Variants in GALNTL6 observed in about 807,000 individuals in gnomAD.
The protein encoded by GALNTL6 is polypeptide N-acetylgalactosaminyltransferase like 6.
A neutral mutation model predicts 73.7 loss-of-function variants in GALNTL6; 46 were observed. The observed-to-expected ratio is 0.62, with a 90% CI of 0.49 to 0.80. The LOEUF is 0.80. GALNTL6 is among the 30% of genes least tolerant of loss of function. The probability of loss-of-function intolerance (pLI) is 0.00; values close to 1 mark genes in which losing one functional copy is unlikely to be tolerated. For synonymous variants in GALNTL6, 259 were observed against 263.7 expected (o/e 0.98, Z 0.17); for missense variants, 604 against 755.0 (o/e 0.80, Z 2.34).
intron 10 of GALNTL6, among the ~76,000 whole-genome samples, chr4:172,969,139 A>G (rs1226923987): frequency 3.3e-5 from 5 of 152,168 alleles, no homozygotes; most frequent in African/African-American, 1.2e-4. Context: ...ACATCATTTT[A>G]TGGAAAGAGA....
At chr4:172,232,236 T>C (rs1228027887) in intron 3 of GALNTL6, among the ~76,000 whole-genome samples, 1 of 152,160 alleles carries the variant, frequency 6.6e-6, no homozygotes, top group Non-Finnish European at 1.5e-5. Context: ...GTGTTTACTC[T>C]CTTATTTTTC....
intron 5 of GALNTL6, among the ~76,000 whole-genome samples, chr4:172,573,164 A>G (rs1435445107): frequency 6.6e-6 from 1 of 152,162 alleles, no homozygotes; most frequent in East Asian, 1.9e-4. Flanking sequence ...AAATATAAAA[A>G]CAATTATAAA....
chr4:172,314,813 T>G (rs1404482694), intron 4 of GALNTL6, among the ~76,000 whole-genome samples: 1 of 152,074 alleles, frequency 6.6e-6, no homozygotes, highest in Non-Finnish European at 1.5e-5. Context: ...TTTCACCACG[T>G]TGGCCAGGCT....
chr4:171,978,710 T>C (rs1739794598), intron 2 of GALNTL6, among the ~76,000 whole-genome samples: 1 of 152,194 alleles, frequency 6.6e-6, no homozygotes, highest in Non-Finnish European at 1.5e-5. Flanking sequence ...CAATGAAGGA[T>C]AATTTAATTT....
At chr4:172,416,366 T>C (rs914419979) in intron 5 of GALNTL6, among the ~76,000 whole-genome samples, 1 of 152,216 alleles carries the variant, frequency 6.6e-6, no homozygotes, top group Non-Finnish European at 1.5e-5. Flanking sequence ...CATCTAGACA[T>C]CTGTGTCTCC....
intron 10 of GALNTL6, among the ~76,000 whole-genome samples, chr4:172,960,776 T>C (rs1750007985): frequency 6.6e-6 from 1 of 152,176 alleles, no homozygotes; most frequent in South Asian, 2.1e-4. Flanking sequence ...CAAGTGGCAT[T>C]GTAGAAGAAA....
At chr4:172,453,159 G>GC (rs1341585901) in intron 5 of GALNTL6, among the ~76,000 whole-genome samples, 1 of 151,278 alleles carries the variant, frequency 6.6e-6, no homozygotes, top group Non-Finnish European at 1.5e-5. Flanking sequence ...CTGAGATCCC[G>GC]CCATTGCATT....
chr4:171,910,623 T>C (rs1737449548), intron 2 of GALNTL6, among the ~76,000 whole-genome samples: 1 of 152,072 alleles, frequency 6.6e-6, no homozygotes, highest in Admixed American at 6.5e-5. Context: ...TGTATAAGTA[T>C]TAACCATCTT....
At chr4:171,938,019 C>T (rs1370763245) in intron 2 of GALNTL6, among the ~76,000 whole-genome samples, 1 of 152,076 alleles carries the variant, frequency 6.6e-6, no homozygotes, top group East Asian at 1.9e-4. Context: ...TGTGTATAAA[C>T]CTAGTTATTT....
Position 173,039,073 on chromosome 4 carries a change from T to C in GALNTL6, c.1639-860T>C, listed in dbSNP as rs1460440773. Among the ~76,000 whole-genome samples, 4 of 152,232 alleles carry C rather than the reference T, an allele frequency of 2.6e-5. No homozygotes were observed. The East Asian group carries it at 5.8e-4, about 22-fold the overall frequency. On this transcript the variant is annotated intron_variant, in intron 12 of 12. Coordinates refer to ENST00000506823, the MANE Select transcript of GALNTL6 (RefSeq NM_001034845.3). ...CACTTAACACAATTAAAAGAGGGTG[T>C]GTGTTAACAGAGCTTGTTCAGATAA... is the stretch of plus-strand genomic sequence containing the variant.
intron 7 of GALNTL6, among the ~76,000 whole-genome samples, chr4:172,817,303 C>A (rs369762451): frequency 2.0e-5 from 3 of 151,498 alleles, no homozygotes; most frequent in African/African-American, 7.3e-5. Context: ...TGGTGGTGCA[C>A]GCCTGTAGTC....
At position 172,966,634 on chromosome 4, in the gene GALNTL6, C is replaced by T. The variant is rs186957226; in HGVS notation, c.1371+14376C>T. Among the ~76,000 whole-genome samples, 592 of 152,304 alleles carry T rather than the reference C, an allele frequency of 3.9e-3. 3 individuals are homozygous for T. The highest frequency in any genetic ancestry group is 0.014 in the African/African-American group (565 of 41,570). Reference sequence around the variant, plus strand: ...GATCTTGAACTGCCCTCAGGTGATCCACCCGCCTCGGCCTCCCAAAGTGCT... The same window carrying T: ...GATCTTGAACTGCCCTCAGGTGATCTACCCGCCTCGGCCTCCCAAAGTGCT... On this transcript the variant is annotated intron_variant, in intron 10 of 12. Coordinates refer to ENST00000506823, the MANE Select transcript of GALNTL6 (RefSeq NM_001034845.3).
At chr4:172,731,940 G>A (rs1411841799) in intron 5 of GALNTL6, among the ~76,000 whole-genome samples, 4 of 151,874 alleles carry the variant, frequency 2.6e-5, no homozygotes, top group African/African-American at 7.3e-5. Context: ...ATTTGCACAG[G>A]CTTGTTTTGT....
At chr4:172,786,878 G>A (rs932492559) in intron 5 of GALNTL6, among the ~76,000 whole-genome samples, 4 of 152,118 alleles carry the variant, frequency 2.6e-5, no homozygotes, top group Middle Eastern at 6.4e-3. Flanking sequence ...TGCATAAGTA[G>A]ACTGAGCCAT....
intron 2 of GALNTL6, among the ~76,000 whole-genome samples, chr4:172,117,131 GA>G (rs1198082402): frequency 2.0e-5 from 3 of 152,106 alleles, no homozygotes; most frequent in African/African-American, 7.2e-5. Flanking sequence ...CAAAATTCAT[GA>G]GAGCAAAAAC....
chr4:172,871,759 T>TTTTGTTTG (rs113501777), intron 7 of GALNTL6, among the ~76,000 whole-genome samples: 114,704 of 150,410 alleles, frequency 0.76, 44,344 homozygotes, highest in East Asian at 0.95. Context: ...TAGCATAGTT[T>TTTTGTTTG]TTTGTTTGTT....
intron 2 of GALNTL6, among the ~76,000 whole-genome samples, chr4:171,896,534 T>C (rs563774682): frequency 1.3e-5 from 2 of 152,320 alleles, no homozygotes; most frequent in South Asian, 2.1e-4. Flanking sequence ...GAAGTTCCAG[T>C]TCAACATGTT....
At chr4:172,854,399 A>C (rs544391817) in intron 7 of GALNTL6, among the ~76,000 whole-genome samples, 4 of 152,218 alleles carry the variant, frequency 2.6e-5, no homozygotes, top group Non-Finnish European at 5.9e-5. Flanking sequence ...AAAAATCTTT[A>C]TTAAGCAAAT....
intron 2 of GALNTL6, among the ~76,000 whole-genome samples, chr4:172,175,461 T>A (rs1451191933): frequency 2.6e-5 from 4 of 152,076 alleles, no homozygotes; most frequent in Admixed American, 2.6e-4. Flanking sequence ...TGTGTGATTG[T>A]GAGATGGAAA....
Sources: allele counts gnomAD v4.1 joint callset (sites outside exome capture counted in the v4.1 genomes callset), GRCh38; gene constraint gnomAD v4.1.1; transcripts MANE v1.5; gene names NCBI Gene and HGNC (gene_info 2026-07-23, HGNC 2026-07-21).